Variants in FOXN3 observed in about 807,000 individuals in gnomAD.
FOXN3 encodes the protein forkhead box N3.
A neutral mutation model predicts 38.4 loss-of-function variants in FOXN3; 7 were observed. The ratio of observed to expected loss-of-function variants is 0.18; its 90% CI spans 0.10 to 0.34. The LOEUF is 0.34. Ranked by LOEUF, FOXN3 falls within the 10% of genes least tolerant of loss-of-function variation. FOXN3 has a pLI of 1.00. For missense variants in FOXN3, 456 were observed against 613.4 expected (o/e 0.74, Z 2.71); for synonymous variants, 230 against 242.2 (o/e 0.95, Z 0.47).
chr14:89,494,561 C>T (rs1485769793), intron 1 of FOXN3, among the ~76,000 whole-genome samples: 1 of 152,108 alleles, frequency 6.6e-6, no homozygotes, highest in African/African-American at 2.4e-5. Context: ...GTGGGAAGGA[C>T]AGAAAAGGTG....
At chr14:89,341,364 C>A (rs1888610799) in intron 3 of FOXN3, among the ~76,000 whole-genome samples, 1 of 152,198 alleles carries the variant, frequency 6.6e-6, no homozygotes, top group African/African-American at 2.4e-5. Flanking sequence ...GGCATGCTAA[C>A]CTTCTGAAGG....
intron 2 of FOXN3, among the ~76,000 whole-genome samples, chr14:89,396,582 C>T (rs1251420011): frequency 1.3e-5 from 2 of 152,208 alleles, no homozygotes; most frequent in South Asian, 4.1e-4. Context: ...TGCCTGTAAT[C>T]CCAGCACTTT....
At chr14:89,175,194 A>C (rs561698393) in intron 5 of FOXN3, among the ~76,000 whole-genome samples, 5 of 152,216 alleles carry the variant, frequency 3.3e-5, no homozygotes, top group Non-Finnish European at 7.3e-5. Context: ...GACTTGCTTC[A>C]TGTTCCATGG....
intron 5 of FOXN3, among the ~76,000 whole-genome samples, chr14:89,172,275 G>C (rs925961532): frequency 2.0e-5 from 3 of 152,192 alleles, no homozygotes; most frequent in Admixed American, 6.5e-5. Context: ...GTTGTTAAGA[G>C]TCAGGGTCTC....
At chr14:89,382,532 C>T (rs1890677228) in intron 2 of FOXN3, among the ~76,000 whole-genome samples, 1 of 152,226 alleles carries the variant, frequency 6.6e-6, no homozygotes, top group South Asian at 2.1e-4. Flanking sequence ...CTATACTCAT[C>T]TGCATTGGCT....
At chr14:89,408,945 A>T (rs1182312570) in intron 2 of FOXN3, among the ~76,000 whole-genome samples, 1 of 152,144 alleles carries the variant, frequency 6.6e-6, no homozygotes, top group Non-Finnish European at 1.5e-5. Context: ...AGTATCAGGG[A>T]GAATGCCATA....
At chr14:89,497,716 A>G (rs148187271) in intron 1 of FOXN3, among the ~76,000 whole-genome samples, 12 of 152,222 alleles carry the variant, frequency 7.9e-5, no homozygotes, top group South Asian at 2.1e-4. Context: ...ATGTATAAAT[A>G]TCTCTGAGAC....
In FOXN3 at chr14:89,397,439, G is replaced by C. The variant is rs930363460; in HGVS notation, c.543+14495C>G. Reference sequence around the variant, plus strand: ...ATGTACCCCCAAACCTAAAATAAAAGTTAAAAAAAAAAAAAAAAAAAGAAT... The same window carrying C: ...ATGTACCCCCAAACCTAAAATAAAACTTAAAAAAAAAAAAAAAAAAAGAAT... On this transcript the variant is annotated intron_variant, in intron 2 of 5. Transcript: ENST00000557258. Among the ~76,000 whole-genome samples the C allele has an allele frequency of 5.0e-3, 547 of 108,596 alleles. 5 individuals carry two copies. The highest frequency in any genetic ancestry group is 0.019 in the African/African-American group (520 of 27,336). 71.2% of individuals were successfully genotyped at this position (108,596 alleles called of 152,430 possible).
At chr14:89,376,375 ATATT>A (rs1333786603) in intron 2 of FOXN3, among the ~76,000 whole-genome samples, 1 of 152,226 alleles carries the variant, frequency 6.6e-6, no homozygotes, top group African/African-American at 2.4e-5. Flanking sequence ...TCACAGACAG[ATATT>A]TATTTGCCAC....
intron 1 of FOXN3, among the ~76,000 whole-genome samples, chr14:89,505,868 G>A (rs1893911645): frequency 6.7e-6 from 1 of 149,384 alleles, no homozygotes; most frequent in Non-Finnish European, 1.5e-5. Flanking sequence ...TGAGATGTGG[G>A]GAGCGCCTCT....
chr14:89,375,745 A>G lies in FOXN3; in HGVS notation c.544-24937T>C, dbSNP rs959416284. ...TACCCCAGCTATAATGAATACACCC[A>G]GTGTCCAGTTTCGGTTTATCTTATT... On this transcript the variant is annotated intron_variant, in intron 2 of 5. Transcript: ENST00000557258. Among the ~76,000 whole-genome samples, 11 of 152,132 alleles carry G rather than the reference A, an allele frequency of 7.2e-5. No homozygotes were observed. In the East Asian group the frequency reaches 1.9e-3, roughly 27 times the overall value.
intron 1 of FOXN3, among the ~76,000 whole-genome samples, chr14:89,615,014 G>A (rs918552213): frequency 4.0e-5 from 6 of 151,218 alleles, no homozygotes; most frequent in African/African-American, 1.5e-4. Context: ...TCAACATTCA[G>A]AAACTAATCC....
chr14:89,464,033 C>G (rs1892917861), intron 1 of FOXN3, among the ~76,000 whole-genome samples: 1 of 150,914 alleles, frequency 6.6e-6, no homozygotes, highest in South Asian at 2.1e-4. Flanking sequence ...ATCCACATGC[C>G]TCGACCCCCC....
At chr14:89,201,662 G>A (rs968709260) in intron 4 of FOXN3, among the ~76,000 whole-genome samples, 7 of 152,168 alleles carry the variant, frequency 4.6e-5, no homozygotes, top group Admixed American at 2.0e-4. Flanking sequence ...GCCTGGGCAC[G>A]GCCAGCCAGG....
chr14:89,513,150 G>GAAAAAAAAAAAA (rs36003791), intron 1 of FOXN3, among the ~76,000 whole-genome samples: 17 of 101,944 alleles, frequency 1.7e-4, no homozygotes, highest in Non-Finnish European at 2.8e-4. Flanking sequence ...TCCATCTCAG[G>GAAAAAAAAAAAA]AAAAAAAAAA....
chr14:89,483,352 C>A (rs1459681243), intron 1 of FOXN3, among the ~76,000 whole-genome samples: 1 of 152,178 alleles, frequency 6.6e-6, no homozygotes, highest in African/African-American at 2.4e-5. Flanking sequence ...TACACTGGCC[C>A]AATCCCAACT....
At chr14:89,380,989 A>G (rs936145740) in intron 2 of FOXN3, among the ~76,000 whole-genome samples, 11 of 151,998 alleles carry the variant, frequency 7.2e-5, no homozygotes, top group Admixed American at 3.3e-4. Flanking sequence ...TAAAAATACA[A>G]AAAGTAGCCA....
intron 3 of FOXN3, among the ~76,000 whole-genome samples, chr14:89,286,780 C>T (rs767907952): frequency 2.0e-5 from 3 of 152,290 alleles, no homozygotes; most frequent in Non-Finnish European, 2.9e-5. Context: ...GCAACCAGAG[C>T]AGGCTGGACA....
intron 4 of FOXN3, among the ~76,000 whole-genome samples, chr14:89,243,624 C>T (rs1016143936): frequency 1.3e-5 from 2 of 152,178 alleles, no homozygotes; most frequent in Admixed American, 1.3e-4. Context: ...AATAATGCTG[C>T]CCTTTCATTT....
Sources: allele counts gnomAD v4.1 joint callset (sites outside exome capture counted in the v4.1 genomes callset), GRCh38; gene constraint gnomAD v4.1.1; transcripts MANE v1.5; gene names NCBI Gene and HGNC (gene_info 2026-07-23, HGNC 2026-07-21).